The following RGS6 variants were observed in gnomAD, a reference collection of about 807,000 sequenced individuals.
RGS6 encodes regulator of G protein signaling 6.
RGS6 carries 30 observed loss-of-function variants against 78.5 expected under a neutral mutation model. The observed-to-expected ratio is 0.38, with a 90% CI of 0.29 to 0.52. The LOEUF is 0.52. Ranked by LOEUF, RGS6 falls within the 20% of genes least tolerant of loss-of-function variation. The pLI is 0.85. For missense variants in RGS6, 495 were observed against 609.7 expected (o/e 0.81, Z 1.98); for synonymous variants, 206 against 206.0 (o/e 1.00, Z 0.00).
chr14:72,175,766 C>T (rs548997875), intron 2 of RGS6, among the ~76,000 whole-genome samples: 35 of 152,152 alleles, frequency 2.3e-4, no homozygotes, highest in South Asian at 2.1e-4. Context: ...GCGGCTGGTA[C>T]GTGCTTTCTA....
the RGS6 span, among the ~76,000 whole-genome samples, chr14:72,573,240 C>A: frequency 2.6e-5 from 4 of 152,310 alleles, no homozygotes; most frequent in East Asian, 7.7e-4. Context: ...TATTCACACA[C>A]CCACTTTGTG....
upstream of RGS6, among the ~76,000 whole-genome samples, chr14:71,927,466 T>C (rs1287927819): frequency 1.3e-5 from 2 of 152,160 alleles, no homozygotes; most frequent in African/African-American, 2.4e-5. Context: ...CACACTGTAA[T>C]CAATTTGCTT....
the RGS6 span, among the ~76,000 whole-genome samples, chr14:72,613,033 T>G: frequency 6.6e-6 from 1 of 150,936 alleles, no homozygotes; most frequent in African/African-American, 2.4e-5. Flanking sequence ...TGTGTGTGTA[T>G]GTGCGTGCGT....
chr14:72,398,483 T>C (rs1482423785), intron 3 of RGS6, among the ~76,000 whole-genome samples: 1 of 152,210 alleles, frequency 6.6e-6, no homozygotes, highest in Non-Finnish European at 1.5e-5. Context: ...TCAATTTTGT[T>C]GATCTTTTCA....
chr14:72,241,050 G>A (rs1283052171), intron 2 of RGS6, among the ~76,000 whole-genome samples: 3 of 151,728 alleles, frequency 2.0e-5, no homozygotes, highest in African/African-American at 4.8e-5. Context: ...CCAGATACTC[G>A]GGAGACTGAG....
chr14:72,014,614 A>C (rs1260107554), intron 2 of RGS6, among the ~76,000 whole-genome samples: 1 of 152,206 alleles, frequency 6.6e-6, no homozygotes, highest in Non-Finnish European at 1.5e-5. Flanking sequence ...CATTTGTTCT[A>C]AACATGATTT....
intron 10 of RGS6, among the ~76,000 whole-genome samples, chr14:72,475,704 G>C (rs898010651): frequency 2.6e-5 from 4 of 151,976 alleles, no homozygotes; most frequent in African/African-American, 7.3e-5. Context: ...ACTCCAGCCT[G>C]GGCAACAAGA....
intron 2 of RGS6, among the ~76,000 whole-genome samples, chr14:72,227,249 T>C (rs2048342874): frequency 1.3e-5 from 2 of 152,194 alleles, no homozygotes; most frequent in African/African-American, 4.8e-5. Flanking sequence ...CTTCATTCCT[T>C]CTTTTCATTT....
At chr14:72,349,929 G>A (rs550808989) in intron 2 of RGS6, among the ~76,000 whole-genome samples, 2 of 152,198 alleles carry the variant, frequency 1.3e-5, no homozygotes, top group Admixed American at 6.5e-5. Context: ...GATACTTCTG[G>A]TTTCAAATAA....
At chr14:71,925,894 T>A in the RGS6 span, among the ~76,000 whole-genome samples, 1 of 151,966 alleles carries the variant, frequency 6.6e-6, no homozygotes, top group Non-Finnish European at 1.5e-5. Flanking sequence ...AATAAATTAA[T>A]AAAGCAATCC....
At chr14:72,187,187 A>C (rs757483748) in intron 2 of RGS6, among the ~76,000 whole-genome samples, 5 of 152,246 alleles carry the variant, frequency 3.3e-5, no homozygotes, top group African/African-American at 1.2e-4. Flanking sequence ...TACAGTTAAC[A>C]TCAAGAAACT....
chr14:72,317,588 TTTG>T lies in RGS6; in HGVS notation c.85-34498_85-34496del, dbSNP rs1434257232. ...GAAGGTCAATACTTGATTTGGATTT[TTTG>T]TTGTTGTTTCTTTTTCCCTCCAGCC... is the stretch of plus-strand genomic sequence containing the variant. On this transcript the variant is annotated intron_variant, in intron 2 of 17. Transcript: ENST00000553525. Among the ~76,000 whole-genome samples, 12 of 152,306 alleles carry T rather than the reference TTTG, an allele frequency of 7.9e-5. 1 individual carries two copies. The South Asian group carries it at 1.9e-3, about 24-fold the overall frequency.
chr14:72,389,649 A>G (rs1032647194), intron 3 of RGS6, among the ~76,000 whole-genome samples: 2 of 152,210 alleles, frequency 1.3e-5, no homozygotes, highest in African/African-American at 4.8e-5. Flanking sequence ...CATGAGTGGT[A>G]GCATCCTAAG....
intron 2 of RGS6, among the ~76,000 whole-genome samples, chr14:72,175,751 G>A (rs913929623): frequency 1.3e-5 from 2 of 152,202 alleles, no homozygotes; most frequent in Admixed American, 1.3e-4. Flanking sequence ...TCAGCACAGT[G>A]CCCAGCGGCT....
chr14:71,882,719 A>C, the RGS6 span, among the ~76,000 whole-genome samples: 1 of 152,248 alleles, frequency 6.6e-6, no homozygotes, highest in Non-Finnish European at 1.5e-5. Context: ...CCAAGGTTAT[A>C]ATTAATTCCT....
intron 2 of RGS6, among the ~76,000 whole-genome samples, chr14:72,056,332 G>C (rs1449903623): frequency 1.3e-5 from 2 of 152,088 alleles, no homozygotes; most frequent in African/African-American, 4.8e-5. Context: ...AGTCTGCTTT[G>C]GAACATGTGT....
At chr14:72,420,931 G>C (rs541260123) in intron 3 of RGS6, 2 of 152,154 alleles carry the variant, frequency 1.3e-5, no homozygotes, top group African/African-American at 2.4e-5. Context: ...CCAGAGCAAC[G>C]GCGCCCCTTC....
intron 12 of RGS6, among the ~76,000 whole-genome samples, chr14:72,493,073 A>G (rs1398180201): frequency 6.6e-6 from 1 of 152,184 alleles, no homozygotes; most frequent in Non-Finnish European, 1.5e-5. Context: ...CCCTATGACA[A>G]TGAAGCCCAT....
intron 2 of RGS6, among the ~76,000 whole-genome samples, chr14:72,338,440 A>G (rs1390034137): frequency 6.6e-6 from 1 of 152,188 alleles, no homozygotes; most frequent in African/African-American, 2.4e-5. Flanking sequence ...TGAGAACAGT[A>G]GGGGGGAAAC....
Sources: allele counts gnomAD v4.1 joint callset (sites outside exome capture counted in the v4.1 genomes callset), GRCh38; gene constraint gnomAD v4.1.1; transcripts MANE v1.5; gene names NCBI Gene and HGNC (gene_info 2026-07-23, HGNC 2026-07-21).